The following EML6 variants were observed in gnomAD, a reference collection of about 807,000 sequenced individuals.
The protein encoded by EML6 is echinoderm microtubule-associated protein-like 6.
In EML6, 154 loss-of-function variants were observed where a neutral mutation model predicts 240.1. The ratio of observed to expected loss-of-function variants is 0.64; its 90% CI spans 0.56 to 0.73. The LOEUF is 0.73. EML6 is among the 30% of genes least tolerant of loss of function. EML6 has a pLI of 0.00. For synonymous variants in EML6, 1,148 were observed against 899.0 expected, an observed-to-expected ratio of 1.28 and a Z score of -4.95; for missense variants, 2,964 against 2,474.6, an observed-to-expected ratio of 1.20 and a Z score of -4.20.
At chr2:54,787,980 G>A (rs538010977) in intron 2 of EML6, among the ~76,000 whole-genome samples, 18 of 152,002 alleles carry the variant, frequency 1.2e-4, no homozygotes, top group African/African-American at 3.6e-4. Context: ...TCCTCATCTC[G>A]CAGACCCAAA....
At chr2:54,940,354 A>C (rs1675366288) in intron 28 of EML6, among the ~76,000 whole-genome samples, 1 of 152,190 alleles carries the variant, frequency 6.6e-6, no homozygotes, top group Non-Finnish European at 1.5e-5. Context: ...ATGGGGTTTC[A>C]GAGATTTTTT....
rs1669995589 is a variant in EML6, at chr2:54,850,161, A to G, written c.1387A>G (p.Ser463Gly). 2.6e-6 allele frequency: 4 copies of G among 1,551,706 alleles called. No individual in the cohort carries two copies. In the South Asian group the frequency reaches 4.8e-5, roughly 18 times the overall value. Residue 463 changes from serine (S) to glycine (G), a missense_variant, in exon 10 of 42, where the codon AGT (serine) becomes GGT (glycine). Ser to Gly is a moderately conservative substitution (Grantham distance 56, BLOSUM62 0). Transcript: ENST00000356458. ...FITHIDWSLD[S>G]KYLQTNDGAG... ...CACGCATATTGACTGGTCCTTGGAT[A>G]GTAAATACTTACAAACTAATGACGG...
At chr2:54,744,700 G>C (rs1683819844) in intron 2 of EML6, among the ~76,000 whole-genome samples, 1 of 151,944 alleles carries the variant, frequency 6.6e-6, no homozygotes. Flanking sequence ...TTAGGGGAGA[G>C]AGGGACCGAG....
intron 2 of EML6, among the ~76,000 whole-genome samples, chr2:54,732,887 T>A (rs1683234736): frequency 6.6e-6 from 1 of 152,254 alleles, no homozygotes; most frequent in African/African-American, 2.4e-5. Flanking sequence ...GGTTTTTGCT[T>A]TTTAAAAATG....
intron 24 of EML6, among the ~76,000 whole-genome samples, chr2:54,905,364 A>T (rs1673271806): frequency 6.6e-6 from 1 of 150,622 alleles, no homozygotes; most frequent in African/African-American, 2.4e-5. Flanking sequence ...ACACACACAC[A>T]CACACACACA....
In EML6 at chr2:54,928,654, G is replaced by A; in HGVS notation, c.3907G>A (p.Ala1303Thr). ...TGACAGCGATGTTGCTAGAGAAAAG[G>A]CCATTGACTACACCACCAAGATTTA... ...GYDSDVAREK[A>T]IDYTTKIYAV... Residue 1303 changes from alanine (A) to threonine (T), a missense_variant, in exon 28 of 42, where the codon GCC (alanine) becomes ACC (threonine). By Grantham distance (58) the Ala-to-Thr change is moderately conservative. Transcript: ENST00000356458. 6.4e-7 allele frequency: 1 copy of A among 1,552,138 alleles called. No homozygotes were observed. The highest frequency in any genetic ancestry group is 1.2e-5 in the South Asian group (1 of 84,058).
At chr2:54,909,007 A>T (rs1282775213) in intron 24 of EML6, among the ~76,000 whole-genome samples, 1 of 152,216 alleles carries the variant, frequency 6.6e-6, no homozygotes, top group African/African-American at 2.4e-5. Flanking sequence ...TATTTTTGCA[A>T]TCATAAATTA....
At chr2:54,855,995 T>C (rs1670354957) in intron 11 of EML6, among the ~76,000 whole-genome samples, 1 of 152,218 alleles carries the variant, frequency 6.6e-6, no homozygotes, top group Non-Finnish European at 1.5e-5. Context: ...TGAGCAAACA[T>C]TATTGTTTTC....
intron 2 of EML6, among the ~76,000 whole-genome samples, chr2:54,776,674 C>T (rs1373480369): frequency 6.6e-6 from 1 of 152,232 alleles, no homozygotes; most frequent in Admixed American, 6.5e-5. Context: ...AATGAACATG[C>T]ACATGTATTC....
chr2:54,968,628 C>A, intron 40 of EML6, 40 bp from the exon 41 acceptor site: 1 of 1,206,038 alleles, frequency 8.3e-7, no homozygotes, highest in Non-Finnish European at 1.2e-6. Flanking sequence ...CTGAGAGGAG[C>A]CAGGGTCTCT....
Position 54,928,739 on chromosome 2 carries a change from C to G in EML6, c.3992C>G (p.Ser1331Cys). 1 of 1,551,770 alleles carries G rather than the reference C, an allele frequency of 6.4e-7. No individual in the cohort carries two copies. The highest frequency in any genetic ancestry group is 2.4e-5 in the East Asian group (1 of 40,916). Residue 1331 changes from serine (S) to cysteine (C), a missense_variant, in exon 28 of 42, where the codon TCC (serine) becomes TGC (cysteine). Coordinates refer to ENST00000356458, the MANE Select transcript of EML6 (RefSeq NM_001039753.4). ...CCACACCAGCAGCTGAAGGAAGTTT[C>G]CGTGGAAGAAAGGTATGGTGTTGCC... ...TKPHQQLKEVSVEERPPVSRA... is the reference protein window; with the variant it reads ...TKPHQQLKEVCVEERPPVSRA...
At chr2:54,854,298 C>T (rs769568788) in intron 11 of EML6, among the ~76,000 whole-genome samples, 50 of 152,218 alleles carry the variant, frequency 3.3e-4, no homozygotes, top group Admixed American at 1.4e-3. Context: ...ATGGACCTCT[C>T]GTCATAGCAG....
intron 17 of EML6, chr2:54,880,590 G>A (rs1245778911): frequency 6.6e-6 from 1 of 152,194 alleles, no homozygotes; most frequent in Non-Finnish European, 1.5e-5. Flanking sequence ...AAAAAGGGAA[G>A]CTTTTCTGAT....
intron 3 of EML6, among the ~76,000 whole-genome samples, chr2:54,815,129 GAAAATCCAGCTTTA>G (rs1165410991): frequency 2.6e-5 from 4 of 152,148 alleles, no homozygotes; most frequent in South Asian, 2.1e-4. Context: ...TGCAGCAGAG[GAAAATCCAGCTTTA>G]AAAATCCAGC....
intron 2 of EML6, among the ~76,000 whole-genome samples, chr2:54,739,440 A>G (rs72913561): frequency 6.6e-6 from 1 of 152,234 alleles, no homozygotes; most frequent in African/African-American, 2.4e-5. Flanking sequence ...TATAATTTTT[A>G]ATCTAAGTTC....
rs1303752641 is a variant in EML6, at chr2:54,827,751, T to C, written c.711T>C (p.Ser237=). The C allele has an allele frequency of 4.5e-6, 7 of 1,549,828 alleles. No individual in the cohort carries two copies. The East Asian group carries it at 1.7e-4, about 38-fold the overall frequency. The change falls in exon 6 of 42, where the codon AGT becomes AGC. Residue 237 remains serine, a splice_region_variant and synonymous_variant. Transcript: ENST00000356458. ...TCCGCACCATTCAAGGAGCACATAG[T>C]GTAAGTATTACCTTGTGGAAATCTG... is the stretch of plus-strand genomic sequence containing the variant. ...NLVRTIQGAH[S]AGIFSMYACE...
chr2:54,812,575 C>T (rs1249285297), intron 2 of EML6, among the ~76,000 whole-genome samples: 3 of 151,772 alleles, frequency 2.0e-5, no homozygotes, highest in Non-Finnish European at 2.9e-5. Context: ...CTACTGACTC[C>T]TTAAAATACC....
chr2:54,913,004 A>G (rs1470094179), intron 25 of EML6, among the ~76,000 whole-genome samples: 1 of 151,942 alleles, frequency 6.6e-6, no homozygotes, highest in Non-Finnish European at 1.5e-5. Flanking sequence ...CACAGAGGCT[A>G]AACTAATTTA....
chr2:54,969,401 A>C (rs1676893555), intron 41 of EML6, among the ~76,000 whole-genome samples: 1 of 152,056 alleles, frequency 6.6e-6, no homozygotes, highest in Admixed American at 6.5e-5. Flanking sequence ...AAAGAATCTC[A>C]ACCCACTTCC....
Sources: gnomAD v4.1 joint callset for allele counts (sites outside exome capture counted in the v4.1 genomes callset) on GRCh38, gnomAD v4.1.1 for gene constraint, MANE v1.5 for transcripts, NCBI Gene and HGNC (gene_info 2026-07-23, HGNC 2026-07-21) for gene names.